PDE10A: variants seen among roughly 807,000 people sequenced by gnomAD.
PDE10A encodes phosphodiesterase 10A.
A neutral mutation model predicts 97.7 loss-of-function variants in PDE10A; 39 were observed. That is an observed-to-expected ratio of 0.40 (90% CI 0.31 to 0.52). The LOEUF (loss-of-function observed/expected upper bound fraction) is 0.52, where lower values mean the gene tolerates loss of function less well. PDE10A is among the 20% of genes least tolerant of loss of function. The pLI, the probability that PDE10A is intolerant of heterozygous loss-of-function variation, is 0.56. For synonymous variants in PDE10A, 371 were observed against 376.8 expected, an observed-to-expected ratio of 0.98 and a Z score of 0.18; for missense variants, 731 against 1,047.8, an observed-to-expected ratio of 0.70 and a Z score of 4.17.
At chr6:165,335,809 C>T (rs751428885) in intron 21 of PDE10A, among the ~76,000 whole-genome samples, 2 of 151,948 alleles carry the variant, frequency 1.3e-5, no homozygotes, top group African/African-American at 4.8e-5. Flanking sequence ...CCCAGTCACT[C>T]GGTCATCTGG....
chr6:165,502,914 TG>T (rs1430119371), intron 2 of PDE10A, among the ~76,000 whole-genome samples: 1 of 152,162 alleles, frequency 6.6e-6, no homozygotes, highest in African/African-American at 2.4e-5. Context: ...AAACGTTGAT[TG>T]GGGTGGTAGT....
intron 1 of PDE10A, among the ~76,000 whole-genome samples, chr6:165,635,472 AGT>A (rs60572651): frequency 2.7e-4 from 41 of 151,038 alleles, no homozygotes; most frequent in Non-Finnish European, 4.4e-4. Flanking sequence ...GTGGGGTGTG[AGT>A]GTGTGTGTGT....
intron 2 of PDE10A, among the ~76,000 whole-genome samples, chr6:165,488,546 T>G (rs956339935): frequency 6.6e-6 from 1 of 152,208 alleles, no homozygotes; most frequent in South Asian, 2.1e-4. Flanking sequence ...CGTGAACTTT[T>G]GCTCCAAGAA....
chr6:165,922,635 T>A (rs897978094), intron 1 of PDE10A, among the ~76,000 whole-genome samples: 15 of 152,192 alleles, frequency 9.9e-5, no homozygotes, highest in African/African-American at 2.9e-4. Context: ...CAGGGTGGCA[T>A]TCTGAGAAAT....
rs1562327226 is a variant in PDE10A, at chr6:165,958,557, GAAAGAAAGACAGAC to G, written c.-615+28958_-615+28971del. ...AGAAAGAAAGAAAGAAAGAAAGAAA[GAAAGAAAGACAGAC>G]AGAAAGAAAGACAGAAAGAGAGAAA... is the stretch of plus-strand genomic sequence containing the variant. On this transcript the variant is annotated intron_variant, in intron 1 of 19. Transcript: ENST00000366882. Among the ~76,000 whole-genome samples, 7 of 19,668 alleles carry G rather than the reference GAAAGAAAGACAGAC, an allele frequency of 3.6e-4. 1 individual carries two copies. The highest frequency in any genetic ancestry group is 1.3e-3 in the Admixed American group (2 of 1,582). 12.9% of individuals were successfully genotyped at this position (19,668 alleles called of 152,430 possible).
chr6:165,878,967 G>T (rs1248214236), intron 1 of PDE10A, among the ~76,000 whole-genome samples: 1 of 152,180 alleles, frequency 6.6e-6, no homozygotes, highest in Non-Finnish European at 1.5e-5. Flanking sequence ...ACCCATTTCA[G>T]ATTTCTGACC....
At chr6:165,769,838 G>C (rs1245273335) in intron 1 of PDE10A, among the ~76,000 whole-genome samples, 1 of 152,154 alleles carries the variant, frequency 6.6e-6, no homozygotes, top group East Asian at 1.9e-4. Context: ...GTTAGCCTTA[G>C]TGAGTTTCTG....
chr6:165,459,880 A>G (rs1372909214), intron 3 of PDE10A, among the ~76,000 whole-genome samples: 1 of 152,250 alleles, frequency 6.6e-6, no homozygotes, highest in Non-Finnish European at 1.5e-5. Flanking sequence ...AATGTAGAAA[A>G]AAATCAGCGA....
At chr6:165,718,653 C>A (rs896550281) in intron 1 of PDE10A, among the ~76,000 whole-genome samples, 2 of 151,876 alleles carry the variant, frequency 1.3e-5, no homozygotes, top group Admixed American at 6.6e-5. Context: ...CCTTTTCCCC[C>A]CGGACGAGAC....
intron 1 of PDE10A, among the ~76,000 whole-genome samples, chr6:165,726,571 C>A (rs1431662819): frequency 6.6e-6 from 1 of 152,032 alleles, no homozygotes; most frequent in Non-Finnish European, 1.5e-5. Context: ...GCCACGATGC[C>A]CGCTCCCCCC....
intron 1 of PDE10A, among the ~76,000 whole-genome samples, chr6:165,834,130 A>C (rs1780006279): frequency 6.6e-6 from 1 of 152,184 alleles, no homozygotes; most frequent in Non-Finnish European, 1.5e-5. Context: ...GTGTGGCAAC[A>C]CCTGGGACCA....
rs1583301292 is a variant in PDE10A at position 165,447,059 on chromosome 6, A to G, written c.1194+1869T>C. Among the ~76,000 whole-genome samples, 8 of 152,298 alleles carry G rather than the reference A, an allele frequency of 5.3e-5. 1 individual carries two copies. The highest frequency in any genetic ancestry group is 5.2e-4 in the Admixed American group (8 of 15,292). On this transcript the variant is annotated intron_variant, in intron 5 of 21. Coordinates refer to ENST00000539869, the MANE Select transcript of PDE10A (RefSeq NM_001385079.1). Reference sequence around the variant, plus strand: ...GCTGAATCCTAAGAGGAACTACTTCATTGAGGCCAGTGTATAAAGAAGTCT... The same window carrying G: ...GCTGAATCCTAAGAGGAACTACTTCGTTGAGGCCAGTGTATAAAGAAGTCT...
chr6:165,464,163 C>T (rs1204779881), intron 3 of PDE10A, among the ~76,000 whole-genome samples: 2 of 152,096 alleles, frequency 1.3e-5, no homozygotes, highest in African/African-American at 4.8e-5. Context: ...TCTCCCCAAC[C>T]GAGCTGGTCT....
intron 1 of PDE10A, among the ~76,000 whole-genome samples, chr6:165,947,875 C>T (rs563771455): frequency 3.2e-4 from 49 of 152,184 alleles, no homozygotes; most frequent in African/African-American, 1.1e-3. Flanking sequence ...ATCCATCTCA[C>T]CAATTAAGTA....
chr6:165,926,628 C>T (rs1056647777), intron 1 of PDE10A, among the ~76,000 whole-genome samples: 20 of 152,168 alleles, frequency 1.3e-4, no homozygotes, highest in African/African-American at 4.1e-4. Flanking sequence ...GCCAGGCTTC[C>T]AGCCACTGGC....
Position 165,336,019 on chromosome 6 carries a change from A to G in PDE10A, c.3065+104T>C, listed in dbSNP as rs891701118. ...CCCTGAGCACAACAACTCGACATCT[A>G]GACAAACACACAGACCACAACACAC... On this transcript the variant is annotated intron_variant, in intron 21 of 21. Transcript: ENST00000539869. The G allele has an allele frequency of 6.6e-5, 61 of 918,800 alleles. 1 individual carries two copies. Among genetic ancestry groups the G allele is most frequent in the Middle Eastern group, 2.1e-4 (1 of 4,758 alleles). 56.9% of individuals were successfully genotyped at this position (918,800 alleles called of 1,614,324 possible).
chr6:165,605,507 C>T (rs1407817416), intron 1 of PDE10A, among the ~76,000 whole-genome samples: 1 of 152,198 alleles, frequency 6.6e-6, no homozygotes, highest in Non-Finnish European at 1.5e-5. Flanking sequence ...CCCTTGTCCT[C>T]CAATCAGAGT....
chr6:165,616,413 C>CT lies in PDE10A; in HGVS notation c.865+45533dup, dbSNP rs1327706150. Among the ~76,000 whole-genome samples, 8 of 151,980 alleles carry CT rather than the reference C, an allele frequency of 5.3e-5. No individual in the cohort carries two copies. In the South Asian group the frequency reaches 6.2e-4, roughly 12 times the overall value. On this transcript the variant is annotated intron_variant, in intron 1 of 21. Transcript: ENST00000539869. ...CTCCTTGGCAGGCAGTAGGAAAACACTTTTCAAAAAAAAATCCATGTTTTC... is the reference window on the plus strand; with the variant it reads ...CTCCTTGGCAGGCAGTAGGAAAACACTTTTTCAAAAAAAAATCCATGTTTTC...
rs1479644504 is a variant in PDE10A at position 165,603,017 on chromosome 6, T to C, written c.865+58930A>G. On this transcript the variant is annotated intron_variant, in intron 1 of 21. Coordinates refer to ENST00000539869, the MANE Select transcript of PDE10A (RefSeq NM_001385079.1). ...CCACAATACGAAAGCAAAATTAGGT[T>C]AAATTTTAGAAGAGGGAAAATAAGA... is the stretch of plus-strand genomic sequence containing the variant. Among the ~76,000 whole-genome samples the C allele has an allele frequency of 2.6e-5, 4 of 152,370 alleles. No individual in the cohort carries two copies. The East Asian group carries it at 7.7e-4, about 29-fold the overall frequency.
Sources: allele counts gnomAD v4.1 joint callset (sites outside exome capture counted in the v4.1 genomes callset), GRCh38; gene constraint gnomAD v4.1.1; transcripts MANE v1.5; gene names NCBI Gene and HGNC (gene_info 2026-07-23, HGNC 2026-07-21).